Variants in ITGA9 observed in about 807,000 individuals in gnomAD.
ITGA9 encodes integrin subunit alpha 9.
Under a neutral mutation model 127.8 loss-of-function variants are expected in ITGA9, and 56 were observed. That is an observed-to-expected ratio of 0.44 (90% CI 0.35 to 0.55). The LOEUF is 0.55. ITGA9 is among the 20% of genes least tolerant of loss of function. The pLI is 0.00. For synonymous variants in ITGA9, 508 were observed against 514.5 expected, an observed-to-expected ratio of 0.99 and a Z score of 0.17; for missense variants, 1,196 against 1,347.1, an observed-to-expected ratio of 0.89 and a Z score of 1.76.
intron 20 of ITGA9, among the ~76,000 whole-genome samples, chr3:37,741,250 AG>A (rs1559584289): frequency 6.6e-6 from 1 of 152,178 alleles, no homozygotes; most frequent in Non-Finnish European, 1.5e-5. Context: ...CTTGCCTGAC[AG>A]GCAGGTGCCA....
In ITGA9 at chr3:37,752,209, T is replaced by G. The variant is rs577680795; in HGVS notation, c.2541+1640T>G. Among the ~76,000 whole-genome samples, 5 of 152,348 alleles carry G rather than the reference T, an allele frequency of 3.3e-5. No homozygotes were observed. In the South Asian group the frequency reaches 1.0e-3, roughly 32 times the overall value. ...CTGAGAATGCTCACTGGGTCAGGTGTGATTCAGAGCTCATGACGGTTTCCA... is the reference window on the plus strand; with the variant it reads ...CTGAGAATGCTCACTGGGTCAGGTGGGATTCAGAGCTCATGACGGTTTCCA... On this transcript the variant is annotated intron_variant, in intron 23 of 27. Transcript: ENST00000264741.
chr3:37,558,500 C>T (rs1226772679), intron 15 of ITGA9, among the ~76,000 whole-genome samples: 1 of 152,218 alleles, frequency 6.6e-6, no homozygotes, highest in Admixed American at 6.5e-5. Flanking sequence ...TTTCTACACA[C>T]ATCAGTGATG....
chr3:37,750,515 C>T lies in ITGA9; in HGVS notation c.2487C>T (p.Phe829=). 1 of 1,614,058 alleles carries T rather than the reference C, an allele frequency of 6.2e-7. No homozygotes were observed. Among genetic ancestry groups the T allele is most frequent in the Non-Finnish European group, 8.5e-7 (1 of 1,179,868 alleles). Residue 829 remains phenylalanine (F), a synonymous_variant, in exon 23 of 28, where the codon TTC becomes TTT. Transcript: ENST00000264741. ...CAGGGTCATCTGTCAGCATCTCTTT[C>T]CCTAATCGACTCTCATCTGGTGGTG... ...TLPGSSVSIS[F]PNRLSSGGAE...
At chr3:37,738,413 CAGA>C (rs1478531167) in intron 20 of ITGA9, among the ~76,000 whole-genome samples, 1 of 152,166 alleles carries the variant, frequency 6.6e-6, no homozygotes, top group Non-Finnish European at 1.5e-5. Context: ...TGCACCTTCT[CAGA>C]AGAAGGATGG....
At chr3:37,595,444 A>G (rs1240764693) in intron 15 of ITGA9, among the ~76,000 whole-genome samples, 1 of 152,230 alleles carries the variant, frequency 6.6e-6, no homozygotes, top group Non-Finnish European at 1.5e-5. Flanking sequence ...ATTGAAAGCA[A>G]ACAGACTCTG....
At chr3:37,544,581 G>A (rs774981348) in intron 15 of ITGA9, among the ~76,000 whole-genome samples, 9 of 152,206 alleles carry the variant, frequency 5.9e-5, no homozygotes, top group Non-Finnish European at 1.3e-4. Context: ...TGGCTGCCAA[G>A]AAGAGAGATT....
intron 18 of ITGA9, among the ~76,000 whole-genome samples, chr3:37,715,826 G>T (rs1385953288): frequency 1.3e-5 from 2 of 152,210 alleles, no homozygotes; most frequent in Non-Finnish European, 2.9e-5. Flanking sequence ...ATACCAGAAA[G>T]GAGAAGAGGG....
intron 15 of ITGA9, among the ~76,000 whole-genome samples, chr3:37,600,177 C>T (rs1174368639): frequency 6.6e-6 from 1 of 152,128 alleles, no homozygotes; most frequent in Admixed American, 6.5e-5. Flanking sequence ...TTAGAAATTA[C>T]TTAGTCAATA....
chr3:37,458,336 A>C (rs1698282253), intron 1 of ITGA9, among the ~76,000 whole-genome samples: 1 of 152,140 alleles, frequency 6.6e-6, no homozygotes, highest in African/African-American at 2.4e-5. Context: ...CAGAGATAGG[A>C]GTGTGAGAGA....
intron 15 of ITGA9, among the ~76,000 whole-genome samples, chr3:37,610,194 A>T (rs1368705882): frequency 6.6e-6 from 1 of 152,188 alleles, no homozygotes; most frequent in Non-Finnish European, 1.5e-5. Context: ...GCTGGGTGAA[A>T]TGGCTTGTTG....
intron 26 of ITGA9, among the ~76,000 whole-genome samples, chr3:37,789,768 CAAAAAAA>C (rs71635850): frequency 2.2e-4 from 8 of 35,686 alleles, no homozygotes; most frequent in Admixed American, 9.2e-4. Flanking sequence ...GACTCCGTCT[CAAAAAAA>C]AAAAAAAAAA....
intron 13 of ITGA9, among the ~76,000 whole-genome samples, chr3:37,531,978 T>G (rs919152676): frequency 1.3e-5 from 2 of 152,132 alleles, no homozygotes; most frequent in African/African-American, 2.4e-5. Flanking sequence ...AGCTGGCTGT[T>G]GAAAGGTCGA....
intron 15 of ITGA9, among the ~76,000 whole-genome samples, chr3:37,564,150 A>C (rs1189815127): frequency 6.6e-6 from 1 of 152,226 alleles, no homozygotes; most frequent in African/African-American, 2.4e-5. Context: ...TTGACCACGG[A>C]ACACCATTTT....
chr3:37,575,444 A>G (rs570522963), intron 15 of ITGA9, among the ~76,000 whole-genome samples: 1 of 152,312 alleles, frequency 6.6e-6, no homozygotes, highest in South Asian at 2.1e-4. Flanking sequence ...AATGATGACA[A>G]CTAGCGTTTA....
At chr3:37,747,818 T>A (rs529760407) in intron 22 of ITGA9, among the ~76,000 whole-genome samples, 4 of 151,780 alleles carry the variant, frequency 2.6e-5, no homozygotes, top group African/African-American at 9.7e-5. Flanking sequence ...AGCCTCAACC[T>A]CCTGGGCTCA....
chr3:37,501,513 C>T (rs984507596), intron 5 of ITGA9, among the ~76,000 whole-genome samples: 5 of 152,086 alleles, frequency 3.3e-5, no homozygotes, highest in Admixed American at 6.5e-5. Context: ...TATACCATGT[C>T]GTCTCTGTCT....
rs901046077 is a variant in ITGA9 at position 37,629,766 on chromosome 3, C to T, written c.1839+430C>T. On this transcript the variant is annotated intron_variant, in intron 16 of 27. Coordinates refer to ENST00000264741, the MANE Select transcript of ITGA9 (RefSeq NM_002207.3). This position sits in a 1 kb window ranked among gnomAD's most constrained non-coding sequence, Gnocchi z 4.5. ...ATTGGCAGTTGAGTTACAGAATGCTCAACCCAAGAGTCCCTGGAAACCAGA... is the reference window on the plus strand; with the variant it reads ...ATTGGCAGTTGAGTTACAGAATGCTTAACCCAAGAGTCCCTGGAAACCAGA... Among the ~76,000 whole-genome samples, 3 of 152,150 alleles carry T rather than the reference C, an allele frequency of 2.0e-5. No homozygotes were observed. Among genetic ancestry groups the T allele is most frequent in the Admixed American group, 6.5e-5 (1 of 15,276 alleles).
intron 2 of ITGA9, among the ~76,000 whole-genome samples, chr3:37,472,544 T>C (rs985399815): frequency 2.0e-5 from 3 of 151,802 alleles, no homozygotes; most frequent in Non-Finnish European, 2.9e-5. Flanking sequence ...GATTACAGTG[T>C]ATGACCATCT....
rs543297344 is a variant in ITGA9, at chr3:37,518,771, C to CTTTTTTTTTTT, written c.1142-468_1142-458dup. ...GTCAGCTTCTATAGTTTTCACTGTA[C>CTTTTTTTTTTT]TTTTTTTTTTTTTTTTTTTTTTTTT... On this transcript the variant is annotated intron_variant, in intron 10 of 27. Coordinates refer to ENST00000264741, the MANE Select transcript of ITGA9 (RefSeq NM_002207.3). Among the ~76,000 whole-genome samples the CTTTTTTTTTTT allele has an allele frequency of 8.7e-4, 38 of 43,512 alleles. 9 individuals are homozygous for CTTTTTTTTTTT. Among genetic ancestry groups the CTTTTTTTTTTT allele is most frequent in the African/African-American group, 2.8e-3 (30 of 10,722 alleles). The allele number at this position is 43,512 out of a possible 152,430, so 28.5% of individuals were successfully genotyped here.
Sources: gnomAD v4.1 joint callset for allele counts (sites outside exome capture counted in the v4.1 genomes callset) on GRCh38, gnomAD v4.1.1 for gene constraint, Gnocchi (gnomAD v3.1) non-coding constraint, MANE v1.5 for transcripts, NCBI Gene and HGNC (gene_info 2026-07-23, HGNC 2026-07-21) for gene names.